The following KCNN2 variants were observed in gnomAD, a reference collection of about 807,000 sequenced individuals.
KCNN2 encodes small conductance calcium-activated potassium channel protein 2.
A neutral mutation model predicts 55.5 loss-of-function variants in KCNN2; 24 were observed. The observed-to-expected ratio is 0.43, with a 90% confidence interval of 0.31 to 0.61. KCNN2 has a LOEUF of 0.61. Ranked by LOEUF, KCNN2 falls within the 20% of genes least tolerant of loss-of-function variation. The pLI, the probability that KCNN2 is intolerant of heterozygous loss-of-function variation, is 0.08. For missense variants in KCNN2, 754 were observed against 853.6 expected (o/e 0.88, Z 1.45); for synonymous variants, 431 against 336.1 (o/e 1.28, Z -3.09).
At chr5:114,191,304 C>A (rs1320576466) in intron 1 of KCNN2, among the ~76,000 whole-genome samples, 2 of 152,016 alleles carry the variant, frequency 1.3e-5, no homozygotes, top group Non-Finnish European at 2.9e-5. Flanking sequence ...ATTCTTTCAC[C>A]CAGAGCATTC....
intron 1 of KCNN2, among the ~76,000 whole-genome samples, chr5:114,205,246 C>T (rs572378435): frequency 5.1e-4 from 77 of 152,228 alleles, no homozygotes; most frequent in Non-Finnish European, 7.6e-4. Flanking sequence ...TATTTTCAAA[C>T]GCATTTGTGA....
At chr5:114,254,268 A>C (rs1283709752) in intron 2 of KCNN2, among the ~76,000 whole-genome samples, 2 of 152,220 alleles carry the variant, frequency 1.3e-5, no homozygotes, top group Non-Finnish European at 2.9e-5. Context: ...TTAAAAAAAT[A>C]AGCAAATGTA....
chr5:114,297,667 C>A (rs1756057147), intron 2 of KCNN2, among the ~76,000 whole-genome samples: 1 of 152,026 alleles, frequency 6.6e-6, no homozygotes, highest in Admixed American at 6.6e-5. Flanking sequence ...ATATTTACTA[C>A]AGCATTATTT....
At chr5:114,216,787 G>T (rs1270618611) in intron 1 of KCNN2, among the ~76,000 whole-genome samples, 1 of 152,074 alleles carries the variant, frequency 6.6e-6, no homozygotes, top group East Asian at 1.9e-4. Context: ...AGACAAGAAA[G>T]GCAGTAAAAA....
intron 1 of KCNN2, among the ~76,000 whole-genome samples, chr5:114,128,792 C>A (rs1178427105): frequency 6.6e-6 from 1 of 151,964 alleles, no homozygotes; most frequent in Non-Finnish European, 1.5e-5. Context: ...TAAAAAAATC[C>A]TAAAGACAAT....
At chr5:114,099,707 A>G (rs1412549055) in intron 1 of KCNN2, among the ~76,000 whole-genome samples, 2 of 152,218 alleles carry the variant, frequency 1.3e-5, no homozygotes, top group East Asian at 3.9e-4. Context: ...TTGTTCTTGG[A>G]AAAATTTTTG....
intron 1 of KCNN2, among the ~76,000 whole-genome samples, chr5:114,175,097 G>T (rs536262533): frequency 2.5e-4 from 38 of 152,256 alleles, no homozygotes; most frequent in African/African-American, 8.4e-4. Context: ...GGCTTGTTTA[G>T]CAAGAGGTAG....
At chr5:114,469,454 A>G (rs1431686821) in intron 4 of KCNN2, among the ~76,000 whole-genome samples, 1 of 152,192 alleles carries the variant, frequency 6.6e-6, no homozygotes, top group Non-Finnish European at 1.5e-5. Context: ...GTTTTTTCTA[A>G]GAAGATAAAT....
At chr5:114,486,666 C>G in intron 5 of KCNN2, 3 of 1,086,664 alleles carry the variant, frequency 2.8e-6, no homozygotes, top group Non-Finnish European at 3.7e-6. Context: ...ACAAGATTAA[C>G]CTTGGCCTCA....
intron 1 of KCNN2, among the ~76,000 whole-genome samples, chr5:114,168,967 C>T (rs776446029): frequency 6.6e-6 from 1 of 152,044 alleles, no homozygotes; most frequent in African/African-American, 2.4e-5. Flanking sequence ...ATCATGGGGA[C>T]AGATTCTGCC....
intron 1 of KCNN2, among the ~76,000 whole-genome samples, chr5:114,128,353 T>C (rs1013802531): frequency 1.3e-5 from 2 of 152,048 alleles, no homozygotes; most frequent in Non-Finnish European, 2.9e-5. Context: ...GAAGAATGAG[T>C]GCCCAGTGGA....
intron 1 of KCNN2, among the ~76,000 whole-genome samples, chr5:114,093,335 C>G (rs1479381361): frequency 6.6e-6 from 1 of 152,204 alleles, no homozygotes; most frequent in Non-Finnish European, 1.5e-5. Flanking sequence ...GCATTTTGGT[C>G]AAAACCATTC....
intron 1 of KCNN2, among the ~76,000 whole-genome samples, chr5:114,066,875 G>A (rs771520438): frequency 6.6e-6 from 1 of 152,114 alleles, no homozygotes; most frequent in African/African-American, 2.4e-5. Context: ...CACCGTGCCT[G>A]GCTATGATTC....
intron 7 of KCNN2, 94 bp downstream of exon 7, chr5:114,493,566 C>A: frequency 2.4e-6 from 2 of 833,546 alleles, no homozygotes; most frequent in South Asian, 1.4e-5. Context: ...GATCCCAACC[C>A]AAATCTAATT....
intron 1 of KCNN2, among the ~76,000 whole-genome samples, chr5:114,154,279 A>G (rs868216882): frequency 1.3e-5 from 2 of 152,168 alleles, no homozygotes; most frequent in Non-Finnish European, 2.9e-5. Flanking sequence ...GCATGTGCAG[A>G]GAAACATGAG....
chr5:114,407,545 G>A (rs1256166359), intron 3 of KCNN2, among the ~76,000 whole-genome samples: 1 of 151,546 alleles, frequency 6.6e-6, no homozygotes, highest in Non-Finnish European at 1.5e-5. Flanking sequence ...TTTTTCTTTT[G>A]TTTTGGCTTC....
chr5:114,344,884 T>C (rs1000785769), intron 2 of KCNN2, among the ~76,000 whole-genome samples: 5 of 152,264 alleles, frequency 3.3e-5, no homozygotes, highest in South Asian at 2.1e-4. Flanking sequence ...GATAATCTAT[T>C]AGACTAGGTG....
rs1486894120 is a variant in KCNN2, at chr5:114,426,246, G to A, written c.1637+21390G>A. ...CAATTATATTTTGAACAAATCCAAAGGGTGGTAGATTTTGTCAAATACTTT... is the reference window on the plus strand; with the variant it reads ...CAATTATATTTTGAACAAATCCAAAAGGTGGTAGATTTTGTCAAATACTTT... On this transcript the variant is annotated intron_variant, in intron 3 of 7. Coordinates refer to ENST00000673685, the MANE Select transcript of KCNN2 (RefSeq NM_021614.4). Among the ~76,000 whole-genome samples the A allele has an allele frequency of 2.0e-5, 3 of 152,224 alleles. No homozygotes were observed. In the South Asian group the frequency reaches 6.2e-4, roughly 32 times the overall value.
rs1480469355 is a variant in KCNN2, at chr5:114,231,858, T to C, written c.-185+10293T>C. ...TCTTCCCATAAAATGCCTTGTTTTT[T>C]TTTTCTGTTAAAACCTTCTACTTGG... is the stretch of plus-strand genomic sequence containing the variant. On this transcript the variant is annotated intron_variant, in intron 2 of 10. Coordinates refer to the KCNN2 transcript ENST00000512097. Among the ~76,000 whole-genome samples the C allele has an allele frequency of 2.7e-5, 4 of 150,770 alleles. 1 individual carries two copies. Among genetic ancestry groups the C allele is most frequent in the Non-Finnish European group, 2.9e-5 (2 of 67,954 alleles).
Sources: allele counts gnomAD v4.1 joint callset (sites outside exome capture counted in the v4.1 genomes callset), GRCh38; gene constraint gnomAD v4.1.1; transcripts MANE v1.5; gene names NCBI Gene and HGNC (gene_info 2026-07-23, HGNC 2026-07-21).